Variants in HUWE1 observed in about 807,000 individuals in gnomAD.
HUWE1 encodes the protein E3 ubiquitin-protein ligase HUWE1.
In HUWE1, 18 loss-of-function variants were observed where a neutral mutation model predicts 299.4. The ratio of observed to expected loss-of-function variants is 0.06; its 90% CI spans 0.04 to 0.09. The LOEUF (loss-of-function observed/expected upper bound fraction) is 0.09, where lower values mean the gene tolerates loss of function less well. Ranked by LOEUF, HUWE1 falls within the 10% of genes least tolerant of loss-of-function variation. HUWE1 has a pLI of 1.00. For synonymous variants in HUWE1, 1,317 were observed against 1,286.1 expected (o/e 1.02, Z -0.51); for missense variants, 1,832 against 3,462.3 (o/e 0.53, Z 11.82).
intron 19 of HUWE1, among the ~76,000 whole-genome samples, chrX:53,619,076 G>A (rs2065969828): frequency 9.0e-6 from 1 of 111,500 alleles, no homozygotes; most frequent in South Asian, 3.7e-4. Flanking sequence ...TGTTTATGGT[G>A]ATGCCTAAGA....
chrX:53,645,603 C>A (rs1388146752), intron 6 of HUWE1, 140 bp from the exon 7 acceptor site: 1 of 609,359 alleles, frequency 1.6e-6, no homozygotes, highest in Non-Finnish European at 2.5e-6. Flanking sequence ...AGTATTTGTA[C>A]TCGGGAGGCT....
chrX:53,556,949 C>T (rs1328010229), intron 60 of HUWE1, among the ~76,000 whole-genome samples: 4 of 112,213 alleles, frequency 3.6e-5, no homozygotes, highest in African/African-American at 6.5e-5. Flanking sequence ...TGATTTTGTT[C>T]GTTTCCACAG....
intron 37 of HUWE1, 135 bp downstream of exon 37, chrX:53,588,247 A>G (rs1190272593): frequency 8.4e-6 from 5 of 598,091 alleles, no homozygotes; most frequent in South Asian, 5.2e-5. Flanking sequence ...ATTTCAGCCT[A>G]TCAGAAACTG....
intron 7 of HUWE1, among the ~76,000 whole-genome samples, chrX:53,639,555 C>T (rs1275516989): frequency 9.0e-6 from 1 of 111,120 alleles, no homozygotes; most frequent in African/African-American, 3.3e-5. Context: ...TGTAAGGTAT[C>T]CTGCATTTGT....
intron 3 of HUWE1, among the ~76,000 whole-genome samples, chrX:53,658,318 A>T (rs896049943): frequency 8.1e-5 from 9 of 111,321 alleles, no homozygotes; most frequent in Admixed American, 4.8e-4. Context: ...ATTCAATGCA[A>T]CTCCAATTAA....
intron 2 of HUWE1, among the ~76,000 whole-genome samples, chrX:53,683,409 T>C (rs1201260200): frequency 9.0e-6 from 1 of 110,771 alleles, no homozygotes; most frequent in Non-Finnish European, 1.9e-5. Flanking sequence ...TCGTCGGAGG[T>C]GCTGAGAACG....
At chrX:53,563,013 C>A in intron 52 of HUWE1, 84 bp from the exon 53 acceptor site, 1 of 789,284 alleles carries the variant, frequency 1.3e-6, no homozygotes, top group Non-Finnish European at 1.9e-6. Flanking sequence ...GCTATGTACA[C>A]CTAGCAGATA....
At chrX:53,546,966 C>G (rs1292721332) in intron 68 of HUWE1, 141 bp from the exon 69 acceptor site, 2 of 755,564 alleles carry the variant, frequency 2.6e-6, no homozygotes, top group Non-Finnish European at 4.0e-6. Context: ...CCACCAAAGG[C>G]AAATCTAAAT....
rs781856601 is a variant in HUWE1, at chrX:53,548,022, A to G, written c.10287T>C (p.Ser3429=). Residue 3429 remains serine, a synonymous_variant, in exon 68 of 84, where the codon TCT becomes TCC. Transcript: ENST00000262854. ...ACATGTTCATGAGCTGCCCCAGTGG[A>G]GAGGCCTCGAGGCTGTATGGAGAGG... is the stretch of plus-strand genomic sequence containing the variant. ...GETSPYSLEA[S]PLGQLMNMLS... is the part of the protein sequence containing the mutation. The G allele has an allele frequency of 3.2e-5, 39 of 1,209,260 alleles. No homozygotes were observed. The highest frequency in any genetic ancestry group is 3.8e-5 in the Non-Finnish European group (34 of 894,803).
chrX:53,659,024 G>C (rs1448198415), intron 3 of HUWE1, among the ~76,000 whole-genome samples: 1 of 112,604 alleles, frequency 8.9e-6, no homozygotes, highest in Admixed American at 9.4e-5. Flanking sequence ...ATATCACTAC[G>C]GCCAAAACCC....
At chrX:53,537,378 G>C (rs192681489) in intron 78 of HUWE1, 178 bp downstream of exon 78, 1 of 520,383 alleles carries the variant, frequency 1.9e-6, no homozygotes, top group East Asian at 3.7e-5. Flanking sequence ...CCAGCCAGCA[G>C]GGCAGGCCCA....
chrX:53,546,673 G>C (rs782414898), intron 69 of HUWE1, 31 bp downstream of exon 69: 35 of 1,209,283 alleles, frequency 2.9e-5, no homozygotes, highest in Non-Finnish European at 3.9e-5. Context: ...TTCTCCCCAA[G>C]TCTTAGCAGA....
chrX:53,542,418 G>C, intron 74 of HUWE1, 25 bp downstream of exon 74: 1 of 1,026,751 alleles, frequency 9.7e-7, no homozygotes, highest in Non-Finnish European at 1.4e-6. Flanking sequence ...CTTTTGCTCG[G>C]CTGGAAACAG....
chrX:53,565,059 T>A lies in HUWE1; in HGVS notation c.6880+8A>T. 1 of 1,209,033 alleles carries A rather than the reference T, an allele frequency of 8.3e-7. No individual in the cohort carries two copies. Among genetic ancestry groups the A allele is most frequent in the Non-Finnish European group, 1.1e-6 (1 of 892,857 alleles). On this transcript the variant is annotated splice_region_variant and intron_variant, in intron 50 of 83. Transcript: ENST00000262854. ...CACCTCTCCAGTCCATTGGCTCTGA[T>A]TCCCTACCTGGGTCCTGCTGGTTGC...
At chrX:53,546,914 C>T (rs1235512614) in intron 68 of HUWE1, 89 bp from the exon 69 acceptor site, 3 of 1,075,624 alleles carry the variant, frequency 2.8e-6, no homozygotes, top group Non-Finnish European at 3.8e-6. Context: ...GCTGAATTGC[C>T]CAGGGCTTCA....
rs782020059 is a variant in HUWE1, at chrX:53,554,909, T to G, written c.8218A>C (p.Met2740Leu). Residue 2740 changes from methionine to leucine, a missense_variant, in exon 61 of 84, where the codon ATG becomes CTG. By Grantham distance (15) the Met-to-Leu change is conservative (BLOSUM62 2). This residue lies in a region of HUWE1 where 143 missense variants were observed against 148.1 expected (regional missense o/e 0.97). Transcript: ENST00000262854. ...TEQNLSDGTP[M>L]PDSYPTTPSS... The stretch of plus-strand genomic sequence containing the variant: ...GGGGTTGTTGGGTAGCTGTCAGGCA[T>G]AGGCGTCCCATCTTTCTCGGAAAGA... The G allele has an allele frequency of 8.5e-7, 1 of 1,173,349 alleles. No homozygotes were observed. The highest frequency in any genetic ancestry group is 1.1e-6 in the Non-Finnish European group (1 of 874,603).
At chrX:53,584,696 CTTAA>C (rs1237194833) in intron 40 of HUWE1, among the ~76,000 whole-genome samples, 1 of 111,385 alleles carries the variant, frequency 9.0e-6, no homozygotes, top group Admixed American at 9.5e-5. Context: ...GAAATCTATA[CTTAA>C]TTAGGTAATG....
rs1158790205 is a variant in HUWE1 at position 53,655,119 on chromosome X, G to A, written c.-24-988C>T. On this transcript the variant is annotated intron_variant, in intron 3 of 83. Coordinates refer to ENST00000262854, the MANE Select transcript of HUWE1 (RefSeq NM_031407.7). ...GCACAAGAAGAAATAAGTTTCTCCTGTTAGCAACTAAGACACATGCACAGA... is the reference window on the plus strand; with the variant it reads ...GCACAAGAAGAAATAAGTTTCTCCTATTAGCAACTAAGACACATGCACAGA... Among the ~76,000 whole-genome samples, 4 of 111,211 alleles carry A rather than the reference G, an allele frequency of 3.6e-5. 1 individual carries two copies. The highest frequency in any genetic ancestry group is 8.3e-3 in the Middle Eastern group (2 of 240).
chrX:53,600,459 A>G, intron 28 of HUWE1, 150 bp from the exon 29 acceptor site: 1 of 467,942 alleles, frequency 2.1e-6, no homozygotes. Flanking sequence ...CACGACCCAA[A>G]TATTTTACTG....
Sources: gnomAD v4.1 joint callset for allele counts (sites outside exome capture counted in the v4.1 genomes callset) on GRCh38, gnomAD v4.1.1 for gene constraint, gnomAD v4.1.1 regional missense constraint, MANE v1.5 for transcripts, NCBI Gene and HGNC (gene_info 2026-07-23, HGNC 2026-07-21) for gene names.